The following RLN2 variants were observed in gnomAD, a reference collection of about 807,000 sequenced individuals.
RLN2 encodes relaxin 2, also known as prorelaxin H2.
A neutral mutation model predicts 7.3 loss-of-function variants in RLN2; 10 were observed. The ratio of observed to expected loss-of-function variants is 1.36; its 90% CI spans 0.84 to 2.31. The LOEUF is 2.31. RLN2 is among the 30% of genes most tolerant of loss of function. The pLI, the probability that RLN2 is intolerant of heterozygous loss-of-function variation, is 0.00. For missense variants in RLN2, 298 were observed against 217.6 expected (o/e 1.37, Z -2.32); for synonymous variants, 103 against 82.3 (o/e 1.25, Z -1.36).
chr9:5,327,165 AG>A, the RLN2 span, among the ~76,000 whole-genome samples: 1 of 152,080 alleles, frequency 6.6e-6, no homozygotes, highest in South Asian at 2.1e-4. Context: ...AACAGACTGT[AG>A]CTGGAGAAAG....
the RLN2 span, chr9:5,311,726 AT>A: frequency 2.6e-6 from 3 of 1,142,400 alleles, no homozygotes; most frequent in Non-Finnish European, 3.9e-6. Flanking sequence ...AAGTGTGTGC[AT>A]TTTTGATAAC....
At chr9:5,337,335 C>T in the RLN2 span, among the ~76,000 whole-genome samples, 1 of 151,964 alleles carries the variant, frequency 6.6e-6, no homozygotes, top group African/African-American at 2.4e-5. Context: ...GTGTTTTGAA[C>T]TTTTATTAAA....
chr9:5,320,221 G>A, the RLN2 span, among the ~76,000 whole-genome samples: 1 of 151,614 alleles, frequency 6.6e-6, no homozygotes, highest in Non-Finnish European at 1.5e-5. Context: ...CCTGATCTCA[G>A]GTGATCCGCC....
At chr9:5,301,679 A>T (rs1816139488) in intron 1 of RLN2, among the ~76,000 whole-genome samples, 1 of 152,232 alleles carries the variant, frequency 6.6e-6, no homozygotes, top group South Asian at 2.1e-4. Context: ...ACACCTGGTT[A>T]ACCACTGATG....
chr9:5,319,839 T>C, the RLN2 span, among the ~76,000 whole-genome samples: 1 of 152,030 alleles, frequency 6.6e-6, no homozygotes, highest in Admixed American at 6.6e-5. Flanking sequence ...TAACATTCTT[T>C]ATGAAGTCAG....
At chr9:5,333,096 A>T in the RLN2 span, among the ~76,000 whole-genome samples, 1 of 152,004 alleles carries the variant, frequency 6.6e-6, no homozygotes, top group South Asian at 2.1e-4. Context: ...CCTGGAAGCA[A>T]ATATTTTAGT....
chr9:5,329,309 CAAAAAAAAAAA>C, the RLN2 span, among the ~76,000 whole-genome samples: 1 of 53,300 alleles, frequency 1.9e-5, no homozygotes, highest in African/African-American at 7.5e-5. Flanking sequence ...GACTCCATCT[CAAAAAAAAAAA>C]AAAAAAAAAG....
At chr9:5,307,776 C>G (rs1816281195), upstream of RLN2, among the ~76,000 whole-genome samples, 1 of 152,028 alleles carries the variant, frequency 6.6e-6, no homozygotes, top group South Asian at 2.1e-4. Flanking sequence ...TTCTACAGCC[C>G]CATATTGAAT....
At chr9:5,302,890 T>C (rs1159077009) in intron 1 of RLN2, among the ~76,000 whole-genome samples, 1 of 150,002 alleles carries the variant, frequency 6.7e-6, no homozygotes, top group Admixed American at 6.7e-5. Flanking sequence ...AATGTTAACA[T>C]TTCTTTCCAC....
In RLN2 at chr9:5,304,532, T is replaced by A; in HGVS notation, c.49A>T (p.Asn17Tyr). 1 of 1,613,790 alleles carries A rather than the reference T, an allele frequency of 6.2e-7. No individual in the cohort carries two copies. Among genetic ancestry groups the A allele is most frequent in the Non-Finnish European group, 8.5e-7 (1 of 1,179,898 alleles). The change falls in exon 1 of 2, where the codon AAC becomes TAC. Residue 17 changes from asparagine to tyrosine, a missense_variant. Physicochemically the swap from Asn to Tyr is moderately radical, Grantham distance 143 (BLOSUM62 -2). Coordinates refer to ENST00000381627, the MANE Select transcript of RLN2 (RefSeq NM_134441.3). ...FHLLGVCLLL[N>Y]QFSRAVADSW... ...TCCGCGACTGCTCTGGAAAATTGGT[T>A]CAGTAGTAAACAGACTCCTAGCAGG...
upstream of RLN2, chr9:5,304,889 C>T (rs1816215029): frequency 2.8e-6 from 1 of 357,786 alleles, no homozygotes; most frequent in South Asian, 4.0e-5. Flanking sequence ...TCATTCATTA[C>T]CCTCAAACAA....
At position 5,300,029 on chromosome 9, in the gene RLN2, G is replaced by T. The variant is rs1458675233; in HGVS notation, c.*69C>A. On this transcript the variant is annotated 3_prime_UTR_variant, in exon 2 of 2. Transcript: ENST00000381627. ...TTCTAAGAATTGATGGGACCTGATA[G>T]AAGCATCAGTGAAATGTCATTAAGA... The T allele has an allele frequency of 2.1e-6, 2 of 953,354 alleles. No homozygotes were observed. Among genetic ancestry groups the T allele is most frequent in the African/African-American group, 1.6e-5 (1 of 60,716 alleles). 59.1% of individuals were successfully genotyped at this position (953,354 alleles called of 1,614,324 possible).
At chr9:5,326,679 A>G in the RLN2 span, among the ~76,000 whole-genome samples, 1 of 152,146 alleles carries the variant, frequency 6.6e-6, no homozygotes, top group African/African-American at 2.4e-5. Context: ...CTGAATCAGC[A>G]TGACAGACTA....
the RLN2 span, chr9:5,335,312 G>A: frequency 2.5e-6 from 4 of 1,609,402 alleles, no homozygotes; most frequent in South Asian, 2.2e-5. Flanking sequence ...CTCAAACAGT[G>A]CCACGTAGGG....
chr9:5,329,280 G>A, the RLN2 span, among the ~76,000 whole-genome samples: 23 of 133,254 alleles, frequency 1.7e-4, no homozygotes, highest in East Asian at 1.0e-3. Flanking sequence ...TCCGCAGTCC[G>A]GCCTGGGCGA....
rs566811918 is a variant in RLN2, at chr9:5,304,660, T to C, written c.-80A>G. ...CTGCTGTGGCCTACACACCTGGGCC[T>C]GTGTGCCTGTCCCGGGCTTTAGGCT... On this transcript the variant is annotated 5_prime_UTR_variant, in exon 1 of 2. Transcript: ENST00000381627. The C allele has an allele frequency of 7.0e-6, 10 of 1,419,718 alleles. No individual in the cohort carries two copies. The African/African-American group carries it at 1.3e-4, about 18-fold the overall frequency. 87.9% of individuals were successfully genotyped at this position (1,419,718 alleles called of 1,614,324 possible).
chr9:5,310,679 C>A, the RLN2 span, among the ~76,000 whole-genome samples: 1 of 152,016 alleles, frequency 6.6e-6, no homozygotes, highest in African/African-American at 2.4e-5. Flanking sequence ...TATACATTTA[C>A]AATTAATCCA....
the RLN2 span, among the ~76,000 whole-genome samples, chr9:5,321,491 TGTAGGCTGTATATGA>T: frequency 6.6e-6 from 1 of 152,044 alleles, no homozygotes; most frequent in Non-Finnish European, 1.5e-5. Context: ...TTTTACTAAA[TGTAGGCTGTATATGA>T]GCAGTGACTG....
At position 5,304,603 on chromosome 9, in the gene RLN2, G is replaced by GGTC; in HGVS notation, c.-26_-24dup. 1 of 1,611,246 alleles carries GGTC rather than the reference G, an allele frequency of 6.2e-7. No homozygotes were observed. The highest frequency in any genetic ancestry group is 1.1e-5 in the South Asian group (1 of 90,980). On this transcript the variant is annotated 5_prime_UTR_variant, in exon 1 of 2. Coordinates refer to ENST00000381627, the MANE Select transcript of RLN2 (RefSeq NM_134441.3). ...CATCCTGGGCCTGGTCTCTCCTGGA[G>GGTC]GTCGGGACGTTGCAGCCTTTCAGGA... is the stretch of plus-strand genomic sequence containing the variant.
Sources: gnomAD v4.1 joint callset for allele counts (sites outside exome capture counted in the v4.1 genomes callset) on GRCh38, gnomAD v4.1.1 for gene constraint, MANE v1.5 for transcripts, NCBI Gene and HGNC (gene_info 2026-07-23, HGNC 2026-07-21) for gene names.